CACNA2D3: variants seen among roughly 807,000 people sequenced by gnomAD.
CACNA2D3 encodes voltage-dependent calcium channel subunit alpha-2/delta-3.
A neutral mutation model predicts 160.6 loss-of-function variants in CACNA2D3; 60 were observed. That is an observed-to-expected ratio of 0.37 (90% CI 0.30 to 0.46). The LOEUF (loss-of-function observed/expected upper bound fraction) is 0.46, where lower values mean the gene tolerates loss of function less well. CACNA2D3 is among the 20% of genes least tolerant of loss of function. The pLI is 1.00. For synonymous variants in CACNA2D3, 558 were observed against 492.9 expected (o/e 1.13, Z -1.75); for missense variants, 1,205 against 1,365.0 (o/e 0.88, Z 1.85).
chr3:54,294,557 T>C (rs893395855), intron 2 of CACNA2D3, among the ~76,000 whole-genome samples: 1 of 152,182 alleles, frequency 6.6e-6, no homozygotes, highest in African/African-American at 2.4e-5. Context: ...TGCATGAAGC[T>C]GGTGGTGTGG....
chr3:54,586,741 A>G (rs1451566268), intron 9 of CACNA2D3, among the ~76,000 whole-genome samples: 1 of 152,210 alleles, frequency 6.6e-6, no homozygotes, highest in East Asian at 1.9e-4. Context: ...TCAAGCACCT[A>G]TGGAACATTA....
At chr3:54,826,011 A>G (rs1428652474) in intron 14 of CACNA2D3, among the ~76,000 whole-genome samples, 2 of 152,166 alleles carry the variant, frequency 1.3e-5, no homozygotes, top group African/African-American at 2.4e-5. Context: ...TTTTGATACA[A>G]TACAAATCGA....
At chr3:54,255,931 T>C (rs573942148) in intron 2 of CACNA2D3, among the ~76,000 whole-genome samples, 3 of 151,860 alleles carry the variant, frequency 2.0e-5, no homozygotes, top group Non-Finnish European at 4.4e-5. Flanking sequence ...AAGTAACTTA[T>C]CCAAGGTCAC....
At chr3:54,425,855 C>T (rs1306485644) in intron 4 of CACNA2D3, among the ~76,000 whole-genome samples, 1 of 152,236 alleles carries the variant, frequency 6.6e-6, no homozygotes, top group Non-Finnish European at 1.5e-5. Context: ...TTTTGGAGGT[C>T]TGGCTCAATG....
intron 11 of CACNA2D3, among the ~76,000 whole-genome samples, chr3:54,741,013 A>G (rs1193233861): frequency 1.3e-5 from 2 of 152,100 alleles, no homozygotes; most frequent in Non-Finnish European, 2.9e-5. Flanking sequence ...CCAAATCCCA[A>G]TGAGAAAATC....
At chr3:54,413,069 T>C (rs1699696001) in intron 4 of CACNA2D3, among the ~76,000 whole-genome samples, 1 of 151,872 alleles carries the variant, frequency 6.6e-6, no homozygotes, top group Non-Finnish European at 1.5e-5. Flanking sequence ...ATTTTTGCTT[T>C]GCAAGTCTGG....
At chr3:54,987,585 G>A (rs1702643460) in intron 30 of CACNA2D3, 98 bp from the exon 31 acceptor site, 1 of 732,804 alleles carries the variant, frequency 1.4e-6, no homozygotes, top group Non-Finnish European at 2.2e-6. Flanking sequence ...TTTTGCTCCT[G>A]TCAGTTCCAG....
intron 17 of CACNA2D3, among the ~76,000 whole-genome samples, chr3:54,863,151 C>T (rs1699327951): frequency 6.6e-6 from 1 of 152,176 alleles, no homozygotes; most frequent in South Asian, 2.1e-4. Flanking sequence ...AGGCATATAT[C>T]CACGTTCGAG....
intron 2 of CACNA2D3, among the ~76,000 whole-genome samples, chr3:54,184,498 T>G (rs1446717193): frequency 6.6e-6 from 1 of 152,224 alleles, no homozygotes; most frequent in Non-Finnish European, 1.5e-5. Flanking sequence ...CAGGCTGTGC[T>G]TAGCATTGGC....
At chr3:54,531,919 G>C (rs1701811990) in intron 5 of CACNA2D3, among the ~76,000 whole-genome samples, 1 of 152,202 alleles carries the variant, frequency 6.6e-6, no homozygotes, top group Admixed American at 6.5e-5. Flanking sequence ...AGGGTGCCTG[G>C]AGCAAGCAGA....
chr3:55,007,441 T>C (rs1703122083), intron 32 of CACNA2D3, among the ~76,000 whole-genome samples: 1 of 152,224 alleles, frequency 6.6e-6, no homozygotes, highest in African/African-American at 2.4e-5. Context: ...ATTAGTTATA[T>C]GATTCCAGCC....
chr3:54,805,380 A>C (rs981373765), intron 13 of CACNA2D3, among the ~76,000 whole-genome samples: 5 of 152,248 alleles, frequency 3.3e-5, no homozygotes, highest in Non-Finnish European at 7.3e-5. Context: ...ATCACTACCG[A>C]TCCCACAGAA....
In CACNA2D3 at chr3:54,467,648, A is replaced by T. The variant is rs187092610; in HGVS notation, c.382-35844A>T. On this transcript the variant is annotated intron_variant, in intron 4 of 37. Coordinates refer to ENST00000474759, the MANE Select transcript of CACNA2D3 (RefSeq NM_018398.3). ...GGCACATAAGGAAAAATACTGCATG[A>T]TTTCAGTCATATATGGAATGTAAAA... Among the ~76,000 whole-genome samples the T allele has an allele frequency of 2.0e-5, 3 of 152,274 alleles. No individual in the cohort carries two copies. In the East Asian group the frequency reaches 5.8e-4, roughly 29 times the overall value.
At chr3:54,248,493 AAAAAG>A (rs1193547041) in intron 2 of CACNA2D3, among the ~76,000 whole-genome samples, 7 of 151,510 alleles carry the variant, frequency 4.6e-5, no homozygotes, top group African/African-American at 1.7e-4. Context: ...AAAAAAAAAA[AAAAAG>A]AAAAAGAAAA....
intron 13 of CACNA2D3, among the ~76,000 whole-genome samples, chr3:54,814,994 A>T (rs1224276698): frequency 1.3e-5 from 2 of 152,080 alleles, no homozygotes; most frequent in African/African-American, 4.8e-5. Context: ...GAAAATATAC[A>T]TTTTTCATTC....
chr3:54,815,488 C>G (rs896386223), intron 13 of CACNA2D3, among the ~76,000 whole-genome samples: 1 of 152,160 alleles, frequency 6.6e-6, no homozygotes, highest in African/African-American at 2.4e-5. Context: ...ATGGGAAAGT[C>G]TGATGATTCA....
Position 54,277,608 on chromosome 3 carries a change from C to T in CACNA2D3, c.205-42834C>T, listed in dbSNP as rs148563535. 5.1e-3 allele frequency among the ~76,000 whole-genome samples: 781 copies of T among 152,208 alleles called. 17 individuals carry two copies. Among genetic ancestry groups the T allele is most frequent in the Admixed American group, 0.032 (493 of 15,288 alleles). On this transcript the variant is annotated intron_variant, in intron 2 of 37. Transcript: ENST00000474759. ...TTTGCTTAGGATTGCCTTGGCTCTA[C>T]GGGCTTTTTTTTGATTCCATATGAA...
At chr3:54,549,304 A>G (rs934923708) in intron 5 of CACNA2D3, among the ~76,000 whole-genome samples, 2 of 152,004 alleles carry the variant, frequency 1.3e-5, no homozygotes, top group Non-Finnish European at 2.9e-5. Context: ...AAATTAGCCG[A>G]ATGTGGTGGC....
At chr3:54,458,315 G>T (rs922213763) in intron 4 of CACNA2D3, among the ~76,000 whole-genome samples, 2 of 152,056 alleles carry the variant, frequency 1.3e-5, no homozygotes, top group Non-Finnish European at 2.9e-5. Context: ...TCACTTCAAT[G>T]TGTAGCACTC....
Sources: allele counts gnomAD v4.1 joint callset (sites outside exome capture counted in the v4.1 genomes callset), GRCh38; gene constraint gnomAD v4.1.1; transcripts MANE v1.5; gene names NCBI Gene and HGNC (gene_info 2026-07-23, HGNC 2026-07-21).